PLCB1: variants seen among roughly 807,000 people sequenced by gnomAD.
The protein encoded by PLCB1 is 1-phosphatidylinositol 4,5-bisphosphate phosphodiesterase beta-1.
A neutral mutation model predicts 161.8 loss-of-function variants in PLCB1; 46 were observed. The ratio of observed to expected loss-of-function variants is 0.28; its 90% CI spans 0.22 to 0.36. PLCB1 has a LOEUF of 0.36. Among genes scored for constraint, PLCB1 ranks in the 10% least tolerant of loss-of-function variants. PLCB1 has a pLI of 1.00. For missense variants in PLCB1, 1,016 were observed against 1,472.5 expected (o/e 0.69, Z 5.07); for synonymous variants, 517 against 503.7 (o/e 1.03, Z -0.35).
chr20:8,704,464 TA>T (rs1281567262), intron 11 of PLCB1, among the ~76,000 whole-genome samples: 1 of 152,274 alleles, frequency 6.6e-6, no homozygotes, highest in Non-Finnish European at 1.5e-5. Flanking sequence ...ATGAAGTTGT[TA>T]AAAAGTTAAT....
intron 3 of PLCB1, among the ~76,000 whole-genome samples, chr20:8,468,936 T>A (rs1981933257): frequency 6.6e-6 from 1 of 152,104 alleles, no homozygotes; most frequent in African/African-American, 2.4e-5. Context: ...TATCTTTCCC[T>A]CTTCAAACGG....
At chr20:8,483,200 C>G (rs1982580098) in intron 3 of PLCB1, among the ~76,000 whole-genome samples, 1 of 152,112 alleles carries the variant, frequency 6.6e-6, no homozygotes, top group Non-Finnish European at 1.5e-5. Flanking sequence ...TTGTAAGCAC[C>G]TTAAGACAAA....
At chr20:8,268,945 A>G (rs1159869368) in intron 2 of PLCB1, among the ~76,000 whole-genome samples, 4 of 152,164 alleles carry the variant, frequency 2.6e-5, no homozygotes, top group African/African-American at 9.7e-5. Flanking sequence ...CCCTATTTCA[A>G]AATATTCAGT....
intron 3 of PLCB1, among the ~76,000 whole-genome samples, chr20:8,564,005 C>A (rs555466393): frequency 6.6e-6 from 1 of 152,238 alleles, no homozygotes; most frequent in African/African-American, 2.4e-5. Context: ...CTTTAAATTT[C>A]ATATGGAACC....
intron 2 of PLCB1, among the ~76,000 whole-genome samples, chr20:8,237,988 T>C (rs1329155514): frequency 6.6e-6 from 1 of 152,152 alleles, no homozygotes; most frequent in Admixed American, 6.6e-5. Flanking sequence ...TTGAATTTAA[T>C]ATTTGACTCT....
chr20:8,844,390 G>A (rs953421476), intron 31 of PLCB1, among the ~76,000 whole-genome samples: 1 of 152,152 alleles, frequency 6.6e-6, no homozygotes, highest in Non-Finnish European at 1.5e-5. Context: ...AAAAGTCATC[G>A]TATAAGCAAG....
chr20:8,767,725 G>C (rs1033879487), intron 26 of PLCB1, among the ~76,000 whole-genome samples: 1 of 152,146 alleles, frequency 6.6e-6, no homozygotes, highest in Non-Finnish European at 1.5e-5. Flanking sequence ...GAACCCTGTC[G>C]AGGGCTGTTC....
At chr20:8,686,021 T>A (rs919392359) in intron 10 of PLCB1, among the ~76,000 whole-genome samples, 2 of 152,206 alleles carry the variant, frequency 1.3e-5, no homozygotes, top group Non-Finnish European at 2.9e-5. Context: ...TATAAAATGT[T>A]ATGATATATA....
intron 22 of PLCB1, 55 bp downstream of exon 22, chr20:8,740,503 C>A: frequency 2.0e-6 from 2 of 1,009,688 alleles, no homozygotes; most frequent in South Asian, 3.5e-5. Context: ...CTGTCTGAGT[C>A]ACCATATATT....
At chr20:8,674,291 T>G (rs1354579116) in intron 9 of PLCB1, among the ~76,000 whole-genome samples, 1 of 152,192 alleles carries the variant, frequency 6.6e-6, no homozygotes, top group Non-Finnish European at 1.5e-5. Flanking sequence ...TATGGGCTAC[T>G]CAAGAAAGAC....
intron 10 of PLCB1, 37 bp from the exon 11 acceptor site, chr20:8,697,589 A>T (rs773622897): frequency 1.2e-6 from 2 of 1,610,954 alleles, no homozygotes; most frequent in Non-Finnish European, 1.7e-6. Context: ...TCCTTGCTTC[A>T]TGGGAATCTG....
intron 2 of PLCB1, among the ~76,000 whole-genome samples, chr20:8,333,256 T>C (rs969027247): frequency 1.3e-5 from 2 of 152,156 alleles, no homozygotes; most frequent in South Asian, 2.1e-4. Context: ...AATACCCACA[T>C]TGGATTTTCA....
At chr20:8,309,349 G>A (rs995024942) in intron 2 of PLCB1, among the ~76,000 whole-genome samples, 7 of 152,156 alleles carry the variant, frequency 4.6e-5, no homozygotes, top group African/African-American at 1.7e-4. Context: ...GTCTACAAAG[G>A]TCCTGCAGAT....
intron 31 of PLCB1, among the ~76,000 whole-genome samples, chr20:8,843,154 GT>G (rs1946625276): frequency 6.6e-6 from 1 of 152,140 alleles, no homozygotes. Context: ...TACACATTAA[GT>G]TTTTAAAATA....
At chr20:8,814,726 A>G (rs112438986) in intron 31 of PLCB1, among the ~76,000 whole-genome samples, 11 of 152,360 alleles carry the variant, frequency 7.2e-5, no homozygotes, top group African/African-American at 2.4e-4. Flanking sequence ...AATAACAGGT[A>G]GGAAGGATGG....
chr20:8,184,981 CCT>C (rs1251072172), intron 2 of PLCB1, among the ~76,000 whole-genome samples: 1 of 151,874 alleles, frequency 6.6e-6, no homozygotes, highest in Non-Finnish European at 1.5e-5. Context: ...GTGATGTTCC[CCT>C]CCCTGTGTCC....
chr20:8,776,202 T>G (rs530648000), intron 27 of PLCB1, among the ~76,000 whole-genome samples: 14 of 152,328 alleles, frequency 9.2e-5, no homozygotes, highest in African/African-American at 2.9e-4. Context: ...AACAGCCTAT[T>G]TAATTCTCAC....
At chr20:8,480,920 A>G (rs901272906) in intron 3 of PLCB1, among the ~76,000 whole-genome samples, 3 of 152,308 alleles carry the variant, frequency 2.0e-5, no homozygotes, top group East Asian at 1.9e-4. Flanking sequence ...CCTGGCCAAT[A>G]TGGCGAAACC....
intron 3 of PLCB1, among the ~76,000 whole-genome samples, chr20:8,482,714 C>T (rs563932678): frequency 1.3e-4 from 20 of 152,142 alleles, no homozygotes; most frequent in Admixed American, 2.6e-4. Flanking sequence ...TTACAAAGGA[C>T]GCAATTTTAT....
Sources: gnomAD v4.1 joint callset for allele counts (sites outside exome capture counted in the v4.1 genomes callset) on GRCh38, gnomAD v4.1.1 for gene constraint, MANE v1.5 for transcripts, NCBI Gene and HGNC (gene_info 2026-07-23, HGNC 2026-07-21) for gene names.